The following RASEF variants were observed in gnomAD, a reference collection of about 807,000 sequenced individuals.
RASEF encodes ras and EF-hand domain-containing protein.
RASEF carries 68 observed loss-of-function variants against 90.1 expected under a neutral mutation model. That is an observed-to-expected ratio of 0.75 (90% CI 0.62 to 0.92). The LOEUF is 0.92. Ranked by LOEUF, RASEF falls within the 40% of genes least tolerant of loss-of-function variation. The pLI, the probability that RASEF is intolerant of heterozygous loss-of-function variation, is 0.00. For missense variants in RASEF, 949 were observed against 937.2 expected (o/e 1.01, Z -0.16); for synonymous variants, 331 against 345.2 (o/e 0.96, Z 0.46).
rs944152909 is a variant in RASEF, at chr9:83,035,490, C to G, written c.432-9569G>C. On this transcript the variant is annotated intron_variant, in intron 1 of 16. Coordinates refer to ENST00000376447, the MANE Select transcript of RASEF (RefSeq NM_152573.4). The stretch of plus-strand genomic sequence containing the variant: ...TTCACATCGTGCCCCAGGTCCAGAT[C>G]AAACTTTTTCATATACAGAAGTTCA... 3.9e-5 allele frequency among the ~76,000 whole-genome samples: 6 copies of G among 152,290 alleles called. 1 individual carries two copies. Among genetic ancestry groups the G allele is most frequent in the Middle Eastern group, 3.4e-3 (1 of 294 alleles).
the RASEF span, among the ~76,000 whole-genome samples, chr9:83,166,223 A>G: frequency 6.6e-6 from 1 of 152,200 alleles, no homozygotes. Context: ...AAAACTACAG[A>G]CCAATAGTTC....
At chr9:83,163,949 G>C in the RASEF span, among the ~76,000 whole-genome samples, 1 of 140,948 alleles carries the variant, frequency 7.1e-6, no homozygotes, top group Non-Finnish European at 1.6e-5. Flanking sequence ...CAAAGAAAAA[G>C]AAAACACTAT....
At chr9:83,116,966 T>C in the RASEF span, among the ~76,000 whole-genome samples, 1 of 152,174 alleles carries the variant, frequency 6.6e-6, no homozygotes, top group African/African-American at 2.4e-5. Context: ...AACTAACCAG[T>C]CTTAAGCAAG....
the RASEF span, among the ~76,000 whole-genome samples, chr9:83,072,848 A>G: frequency 2.6e-5 from 4 of 152,150 alleles, no homozygotes; most frequent in Non-Finnish European, 5.9e-5. Context: ...TGATACCCTC[A>G]CAGACACATA....
At chr9:83,018,518 G>T (rs187794425) in intron 3 of RASEF, among the ~76,000 whole-genome samples, 1 of 151,694 alleles carries the variant, frequency 6.6e-6, no homozygotes, top group Non-Finnish European at 1.5e-5. Flanking sequence ...ATCTATAGAC[G>T]CAATGAAGTT....
chr9:83,208,653 C>G, the RASEF span, among the ~76,000 whole-genome samples: 2 of 152,178 alleles, frequency 1.3e-5, no homozygotes, highest in Non-Finnish European at 2.9e-5. Context: ...CCTCCTCCCT[C>G]CCTCTCATTC....
chr9:82,999,624 G>A (rs529058743), intron 12 of RASEF, among the ~76,000 whole-genome samples: 10 of 144,576 alleles, frequency 6.9e-5, no homozygotes, highest in Admixed American at 3.4e-4. Context: ...TTTTTTTTGT[G>A]GCAGGGTCTC....
intron 1 of RASEF, among the ~76,000 whole-genome samples, chr9:83,049,586 T>C (rs958746449): frequency 2.2e-5 from 3 of 135,602 alleles, no homozygotes; most frequent in Non-Finnish European, 4.6e-5. Context: ...CATGTGCACA[T>C]TGTGCAGGTT....
At chr9:83,084,909 T>A in the RASEF span, among the ~76,000 whole-genome samples, 1 of 152,222 alleles carries the variant, frequency 6.6e-6, no homozygotes, top group Non-Finnish European at 1.5e-5. Context: ...TCATCATAAT[T>A]GTTTTGAACT....
the RASEF span, among the ~76,000 whole-genome samples, chr9:83,137,741 A>G: frequency 6.6e-6 from 1 of 151,638 alleles, no homozygotes; most frequent in African/African-American, 2.4e-5. Context: ...GAGACTGGAC[A>G]TGCAGTAGGT....
intron 16 of RASEF, among the ~76,000 whole-genome samples, chr9:82,987,328 T>C (rs1828727644): frequency 6.6e-6 from 1 of 152,208 alleles, no homozygotes; most frequent in Non-Finnish European, 1.5e-5. Flanking sequence ...CATAATGCAA[T>C]AACAATAAAA....
At position 83,009,774 on chromosome 9, in the gene RASEF, T is replaced by C; in HGVS notation, c.844-18A>G. On this transcript the variant is annotated intron_variant, in intron 5 of 16. Coordinates refer to ENST00000376447, the MANE Select transcript of RASEF (RefSeq NM_152573.4). ...TGGTTTTCCTGGATAAAATGAAAAG[T>C]GGGGGTCATTAGATTCAGATTTTCC... 2.0e-6 allele frequency: 3 copies of C among 1,492,700 alleles called. No individual in the cohort carries two copies. The highest frequency in any genetic ancestry group is 1.1e-5 in the South Asian group (1 of 88,584). 92.5% of individuals were successfully genotyped at this position (1,492,700 alleles called of 1,614,324 possible). A position where few individuals can be genotyped will look rare whatever the true frequency, so the allele number is the denominator to read the frequency against.
At chr9:83,216,169 C>G in the RASEF span, among the ~76,000 whole-genome samples, 1 of 152,154 alleles carries the variant, frequency 6.6e-6, no homozygotes, top group Non-Finnish European at 1.5e-5. Context: ...AAGAAAACCC[C>G]ATTTTCTGGG....
chr9:83,038,967 G>A (rs187804829), intron 1 of RASEF, among the ~76,000 whole-genome samples: 2 of 152,272 alleles, frequency 1.3e-5, no homozygotes, highest in African/African-American at 4.8e-5. Flanking sequence ...TCAACAAGGA[G>A]ACAAAGTTCA....
the RASEF span, among the ~76,000 whole-genome samples, chr9:83,165,737 C>T: frequency 3.3e-5 from 5 of 151,932 alleles, no homozygotes; most frequent in Admixed American, 2.6e-4. Flanking sequence ...AACTTCAGTA[C>T]AATAGATAAG....
At chr9:83,218,987 A>G in the RASEF span, among the ~76,000 whole-genome samples, 2 of 152,236 alleles carry the variant, frequency 1.3e-5, no homozygotes, top group African/African-American at 4.8e-5. Flanking sequence ...TGTCCAAAGC[A>G]TTTGAATCTG....
chr9:83,015,131 T>C (rs1345125129), intron 4 of RASEF, among the ~76,000 whole-genome samples: 1 of 152,164 alleles, frequency 6.6e-6, no homozygotes, highest in African/African-American at 2.4e-5. Flanking sequence ...TTAATAAATA[T>C]TCCCTGAATA....
chr9:83,122,388 A>G, the RASEF span, among the ~76,000 whole-genome samples: 1 of 152,254 alleles, frequency 6.6e-6, no homozygotes, highest in Admixed American at 6.5e-5. Context: ...TGAGGCAGTG[A>G]GAGAAATCAC....
At chr9:83,168,165 C>T in the RASEF span, among the ~76,000 whole-genome samples, 1 of 152,044 alleles carries the variant, frequency 6.6e-6, no homozygotes, top group Non-Finnish European at 1.5e-5. Context: ...CCTATCAACA[C>T]TTGTTATGAT....
Sources: gnomAD v4.1 joint callset for allele counts (sites outside exome capture counted in the v4.1 genomes callset) on GRCh38, gnomAD v4.1.1 for gene constraint, MANE v1.5 for transcripts, NCBI Gene and HGNC (gene_info 2026-07-23, HGNC 2026-07-21) for gene names.